ASPH: variants seen among roughly 807,000 people sequenced by gnomAD.
ASPH encodes aspartate beta-hydroxylase.
Under a neutral mutation model 118.4 loss-of-function variants are expected in ASPH, and 100 were observed. The ratio of observed to expected loss-of-function variants is 0.84; its 90% CI spans 0.72 to 1.00. The LOEUF (loss-of-function observed/expected upper bound fraction) is 1.00, where lower values mean the gene tolerates loss of function less well. Ranked by LOEUF, ASPH falls within the 50% of genes least tolerant of loss-of-function variation. ASPH has a pLI of 0.00. For synonymous variants in ASPH, 315 were observed against 325.6 expected (o/e 0.97, Z 0.35); for missense variants, 920 against 919.5 (o/e 1.00, Z -0.01).
rs144719682 is a variant in ASPH at position 61,524,419 on chromosome 8, T to C, written c.1900+1558A>G. On this transcript the variant is annotated intron_variant, in intron 22 of 24. Coordinates refer to ENST00000379454, the MANE Select transcript of ASPH (RefSeq NM_004318.4). ...GAAGAGAAAATACAAATTCAGGAAT[T>C]AGAAAATATAATCATAATCATGTAA... 9.3e-3 allele frequency among the ~76,000 whole-genome samples: 1,412 copies of C among 152,184 alleles called. 22 individuals are homozygous for C. The highest frequency in any genetic ancestry group is 0.031 in the African/African-American group (1,308 of 41,536).
intron 18 of ASPH, among the ~76,000 whole-genome samples, chr8:61,559,627 AAG>A (rs1392574235): frequency 5.3e-5 from 8 of 152,218 alleles, no homozygotes; most frequent in African/African-American, 1.9e-4. Context: ...ATTTTTCAGC[AAG>A]AGTTAAAAGA....
intron 3 of ASPH, among the ~76,000 whole-genome samples, chr8:61,674,664 G>A (rs1730568306): frequency 6.6e-6 from 1 of 152,114 alleles, no homozygotes; most frequent in Non-Finnish European, 1.5e-5. Flanking sequence ...GCTGACTTGA[G>A]GCTGCTACTT....
chr8:61,503,552 G>A, intron 24 of ASPH, 43 bp from the exon 25 acceptor site: 1 of 1,545,888 alleles, frequency 6.5e-7, no homozygotes, highest in Non-Finnish European at 8.8e-7. Flanking sequence ...GTTTTGTGTG[G>A]TTCAGATGTC....
Position 61,664,270 on chromosome 8 carries a change from G to A in ASPH, c.323-10610C>T, listed in dbSNP as rs1818367218. 20 of 967,494 alleles carry A rather than the reference G, an allele frequency of 2.1e-5. 1 individual carries two copies. In the South Asian group the frequency reaches 9.5e-4, roughly 46 times the overall value. 59.9% of individuals were successfully genotyped at this position (967,494 alleles called of 1,614,324 possible). On this transcript the variant is annotated intron_variant, in intron 3 of 24. Transcript: ENST00000379454. ...TTACATTTGCAATTCCTTAGAAATG[G>A]TAAATAATAATGACACAATCAAATA...
intron 3 of ASPH, chr8:61,664,275 T>C: frequency 1.0e-6 from 1 of 967,764 alleles, no homozygotes; most frequent in Non-Finnish European, 1.2e-6. Context: ...AAATGGTAAA[T>C]AATAATGACA....
chr8:61,653,213 G>A (rs532633849), intron 4 of ASPH, among the ~76,000 whole-genome samples: 1 of 152,174 alleles, frequency 6.6e-6, no homozygotes, highest in Admixed American at 6.5e-5. Flanking sequence ...ATTAAATCAC[G>A]TGACAAATGA....
At chr8:61,643,043 G>T in intron 9 of ASPH, 123 bp from the exon 10 acceptor site, 1 of 861,040 alleles carries the variant, frequency 1.2e-6, no homozygotes, top group Non-Finnish European at 1.7e-6. Context: ...AAATATTAAT[G>T]TCTGCTCAGT....
At chr8:61,658,810 ATAT>A (rs1447152959) in intron 3 of ASPH, 1 of 152,156 alleles carries the variant, frequency 6.6e-6, no homozygotes, top group Non-Finnish European at 1.5e-5. Context: ...CTTCTTCCTA[ATAT>A]TCTTCAACAG....
chr8:61,627,446 AG>A (rs754857149), intron 13 of ASPH, among the ~76,000 whole-genome samples: 5 of 152,192 alleles, frequency 3.3e-5, no homozygotes, highest in African/African-American at 1.2e-4. Flanking sequence ...AGGTAGGAAG[AG>A]GGAGACATTT....
chr8:61,673,779 A>G (rs1314178044), intron 3 of ASPH, among the ~76,000 whole-genome samples: 1 of 152,190 alleles, frequency 6.6e-6, no homozygotes, highest in Admixed American at 6.5e-5. Flanking sequence ...AGTGCAGTTT[A>G]TAGTGCAGAG....
chr8:61,553,005 G>C, intron 20 of ASPH, 26 bp downstream of exon 20: 1 of 1,531,734 alleles, frequency 6.5e-7, no homozygotes, highest in East Asian at 2.3e-5. Context: ...CTGTTAGAGA[G>C]AATCAGAAAT....
intron 20 of ASPH, among the ~76,000 whole-genome samples, chr8:61,551,033 A>G (rs954588857): frequency 5.3e-5 from 8 of 152,194 alleles, no homozygotes; most frequent in African/African-American, 1.9e-4. Context: ...AAAGACAAGT[A>G]AGTTGTCTCT....
intron 1 of ASPH, among the ~76,000 whole-genome samples, chr8:61,699,066 C>T (rs1350198421): frequency 6.6e-6 from 1 of 152,214 alleles, no homozygotes; most frequent in Admixed American, 6.5e-5. Flanking sequence ...GGCGCTGGGA[C>T]ATGCCATATC....
chr8:61,704,454 G>T (rs890022442), intron 1 of ASPH, among the ~76,000 whole-genome samples: 24 of 151,628 alleles, frequency 1.6e-4, no homozygotes, highest in Non-Finnish European at 1.0e-4. Context: ...AATAAAAGAG[G>T]ATAGCTTTGA....
intron 21 of ASPH, among the ~76,000 whole-genome samples, chr8:61,542,811 T>A (rs1822436180): frequency 6.6e-6 from 1 of 152,154 alleles, no homozygotes; most frequent in Non-Finnish European, 1.5e-5. Flanking sequence ...CTTCTCCCAG[T>A]TTTTATATAT....
chr8:61,563,950 C>T (rs1830804318), intron 17 of ASPH, among the ~76,000 whole-genome samples: 1 of 152,230 alleles, frequency 6.6e-6, no homozygotes, highest in Admixed American at 6.5e-5. Flanking sequence ...TCTTCTGTCT[C>T]CATTTGCCTC....
intron 14 of ASPH, among the ~76,000 whole-genome samples, chr8:61,584,377 T>G (rs1838614866): frequency 6.6e-6 from 1 of 152,204 alleles, no homozygotes; most frequent in Non-Finnish European, 1.5e-5. Flanking sequence ...GTCCAAAAGA[T>G]TGTTTAAAAT....
intron 14 of ASPH, among the ~76,000 whole-genome samples, chr8:61,586,525 G>A (rs1228697538): frequency 6.6e-6 from 1 of 152,152 alleles, no homozygotes; most frequent in Non-Finnish European, 1.5e-5. Flanking sequence ...TCCTAAGGAA[G>A]ATGGAATGGA....
intron 13 of ASPH, 89 bp downstream of exon 13, chr8:61,633,594 T>G: frequency 1.7e-6 from 2 of 1,179,518 alleles, no homozygotes; most frequent in Non-Finnish European, 2.4e-6. Context: ...ATTTTTATCC[T>G]TCGTAGATTC....
Sources: allele counts gnomAD v4.1 joint callset (sites outside exome capture counted in the v4.1 genomes callset), GRCh38; gene constraint gnomAD v4.1.1; transcripts MANE v1.5; gene names NCBI Gene and HGNC (gene_info 2026-07-23, HGNC 2026-07-21).